The following NPHP1 variants were observed in gnomAD, a reference collection of about 807,000 sequenced individuals.
The protein encoded by NPHP1 is nephrocystin-1.
In NPHP1, 70 loss-of-function variants were observed where a neutral mutation model predicts 90.4. The ratio of observed to expected loss-of-function variants is 0.77; its 90% CI spans 0.64 to 0.95. The LOEUF is 0.95. Among genes scored for constraint, NPHP1 ranks in the 40% least tolerant of loss-of-function variants. The pLI is 0.00. For missense variants in NPHP1, 764 were observed against 795.9 expected (o/e 0.96, Z 0.48); for synonymous variants, 256 against 271.7 (o/e 0.94, Z 0.57).
chr2:110,194,528 C>G (rs1451295254), intron 2 of NPHP1, among the ~76,000 whole-genome samples: 7 of 151,762 alleles, frequency 4.6e-5, no homozygotes, highest in Non-Finnish European at 8.8e-5. Flanking sequence ...GCTTACCAAC[C>G]AAAAAAAGTC....
Position 110,156,471 on chromosome 2 carries a change from G to A in NPHP1, c.1083+3656C>T, listed in dbSNP as rs758733261. Reference sequence around the variant, plus strand: ...TCTTGGGTATGTCTTTATCAGCAGCGTGAGAACAAACTAATACAGGAAGAT... The same window carrying A: ...TCTTGGGTATGTCTTTATCAGCAGCATGAGAACAAACTAATACAGGAAGAT... On this transcript the variant is annotated intron_variant, in intron 11 of 19. Transcript: ENST00000445609. Among the ~76,000 whole-genome samples, 23 of 152,082 alleles carry A rather than the reference G, an allele frequency of 1.5e-4. 1 individual carries two copies. The highest frequency in any genetic ancestry group is 6.2e-4 in the South Asian group (3 of 4,806).
At chr2:110,152,816 G>A (rs73954622) in intron 11 of NPHP1, among the ~76,000 whole-genome samples, 6,455 of 151,838 alleles carry the variant, frequency 0.043, 453 homozygotes, top group African/African-American at 0.14. Context: ...AGAGGAGGGT[G>A]ATGTACTGTT....
At chr2:110,183,956 C>G (rs375816165) in intron 2 of NPHP1, 5 of 330,410 alleles carry the variant, frequency 1.5e-5, no homozygotes, top group Non-Finnish European at 3.0e-5. Context: ...ACAAACAGAC[C>G]AAAATGCAAT....
rs568781864 is a variant in NPHP1, at chr2:110,133,562, G to A, written c.1530-1771C>T. Reference sequence around the variant, plus strand: ...CTGACATTTACAAAACACTCTACCCGGCAACAGCAGAATACACATTTTTCT... The same window carrying A: ...CTGACATTTACAAAACACTCTACCCAGCAACAGCAGAATACACATTTTTCT... On this transcript the variant is annotated intron_variant, in intron 16 of 19. Coordinates refer to ENST00000445609, the MANE Select transcript of NPHP1 (RefSeq NM_001128178.3). 7.2e-4 allele frequency among the ~76,000 whole-genome samples: 110 copies of A among 151,954 alleles called. 1 individual carries two copies. Among genetic ancestry groups the A allele is most frequent in the South Asian group, 4.2e-3 (20 of 4,812 alleles).
chr2:110,131,596 C>T (rs1358342620), intron 17 of NPHP1, 83 bp downstream of exon 17: 8 of 807,006 alleles, frequency 9.9e-6, no homozygotes, highest in South Asian at 2.8e-5. Context: ...CAACCAGAAA[C>T]AGAAGATACA....
chr2:110,164,789 G>A, intron 7 of NPHP1, 59 bp from the exon 8 acceptor site: 2 of 1,395,964 alleles, frequency 1.4e-6, no homozygotes, highest in South Asian at 1.2e-5. Flanking sequence ...ACTCAATTAG[G>A]GAACTTCTTT....
intron 16 of NPHP1, among the ~76,000 whole-genome samples, chr2:110,141,986 A>AAG (rs1553483605): frequency 0.01 from 1,543 of 151,314 alleles, 41 homozygotes; most frequent in African/African-American, 0.035. Context: ...AAAAAAAAAA[A>AAG]AAAGAAAGAA....
At chr2:110,163,461 A>T (rs938780902) in intron 8 of NPHP1, 2 of 342,114 alleles carry the variant, frequency 5.8e-6, no homozygotes, top group African/African-American at 4.2e-5. Flanking sequence ...GTTAATGTCT[A>T]TTGGCAAATC....
intron 11 of NPHP1, 106 bp from the exon 12 acceptor site, chr2:110,150,362 G>T: frequency 1.0e-6 from 1 of 988,578 alleles, no homozygotes; most frequent in Non-Finnish European, 1.6e-6. Context: ...GAGGAAGATG[G>T]CAAGGGGAGA....
In NPHP1 at chr2:110,153,710, G is replaced by A. The variant is rs142943917; in HGVS notation, c.1084-3454C>T. On this transcript the variant is annotated intron_variant, in intron 11 of 19. Transcript: ENST00000445609. ...AAAAATGTTCAAGTGGGGCGGGTGCGGTAGCTCACAACTGTAATCTCAGCA... is the reference window on the plus strand; with the variant it reads ...AAAAATGTTCAAGTGGGGCGGGTGCAGTAGCTCACAACTGTAATCTCAGCA... Among the ~76,000 whole-genome samples, 142 of 152,134 alleles carry A rather than the reference G, an allele frequency of 9.3e-4. 1 individual carries two copies. In the East Asian group the frequency reaches 0.015, roughly 16 times the overall value.
intron 4 of NPHP1, among the ~76,000 whole-genome samples, chr2:110,177,714 G>T (rs1361901892): frequency 6.6e-6 from 1 of 151,598 alleles, no homozygotes; most frequent in African/African-American, 2.4e-5. Context: ...CATACACTCT[G>T]GCAGACAAAC....
In NPHP1 at chr2:110,183,943, A is replaced by G. The variant is rs537302915; in HGVS notation, c.144-4259T>C. On this transcript the variant is annotated intron_variant, in intron 2 of 19. Transcript: ENST00000445609. ...CAGCAAATGAAAAAGAACTGAAATT[A>G]TAACAAACAGACCAAAATGCAATCA... 16 of 335,106 alleles carry G rather than the reference A, an allele frequency of 4.8e-5. 1 individual carries two copies. The highest frequency in any genetic ancestry group is 4.1e-4 in the South Asian group (16 of 39,284). 20.8% of individuals were successfully genotyped at this position (335,106 alleles called of 1,614,324 possible).
chr2:110,148,015 G>T lies in NPHP1; in HGVS notation c.1170C>A (p.Ile390=). 1.9e-6 allele frequency: 3 copies of T among 1,595,032 alleles called. No homozygotes were observed. Among genetic ancestry groups the T allele is most frequent in the Non-Finnish European group, 2.6e-6 (3 of 1,162,516 alleles). The part of the protein sequence containing the change: ...TWTFSPQVTR[I]LPCLLDGDCF... ...AATCACCATCAAGCAAACATGGTAA[G>T]ATGCGAGTAACCTGAAATGATAAAG... Residue 390 remains isoleucine, a synonymous_variant, in exon 13 of 20, where the codon ATC becomes ATA. Coordinates refer to ENST00000445609, the MANE Select transcript of NPHP1 (RefSeq NM_001128178.3).
chr2:110,153,461 T>C (rs1408074587), intron 11 of NPHP1, among the ~76,000 whole-genome samples: 2 of 152,182 alleles, frequency 1.3e-5, no homozygotes, highest in Non-Finnish European at 2.9e-5. Flanking sequence ...ATAAGATTCT[T>C]AATGTATGTA....
intron 19 of NPHP1, 87 bp from the exon 20 acceptor site, chr2:110,124,150 G>A: frequency 1.3e-6 from 2 of 1,496,688 alleles, no homozygotes; most frequent in Non-Finnish European, 1.9e-6. Context: ...CCACCTAAGA[G>A]GTAGGATGGA....
chr2:110,182,002 T>C (rs558306271), intron 2 of NPHP1, among the ~76,000 whole-genome samples: 49 of 152,162 alleles, frequency 3.2e-4, no homozygotes, highest in African/African-American at 1.1e-3. Flanking sequence ...CAAGTATCAA[T>C]AGCAGAATAG....
intron 14 of NPHP1, among the ~76,000 whole-genome samples, chr2:110,145,981 G>A (rs571616331): frequency 6.6e-6 from 1 of 152,292 alleles, no homozygotes; most frequent in East Asian, 1.9e-4. Flanking sequence ...CAAGCCTTTG[G>A]AGTAGGAATT....
At chr2:110,201,811 AAT>A (rs2104716398) in intron 1 of NPHP1, among the ~76,000 whole-genome samples, 1 of 152,260 alleles carries the variant, frequency 6.6e-6, no homozygotes, top group South Asian at 2.1e-4. Context: ...TATATAGTGA[AAT>A]GCACAAATAC....
At chr2:110,139,174 A>G (rs1448818728) in intron 16 of NPHP1, among the ~76,000 whole-genome samples, 2 of 150,534 alleles carry the variant, frequency 1.3e-5, no homozygotes, top group African/African-American at 2.5e-5. Flanking sequence ...GAATGCATCA[A>G]AAAAAAGGAT....
Sources: gnomAD v4.1 joint callset for allele counts (sites outside exome capture counted in the v4.1 genomes callset) on GRCh38, gnomAD v4.1.1 for gene constraint, MANE v1.5 for transcripts, NCBI Gene and HGNC (gene_info 2026-07-23, HGNC 2026-07-21) for gene names.